Variants in NLRP11 observed in about 807,000 individuals in gnomAD.
The protein encoded by NLRP11 is NACHT, LRR and PYD domains-containing protein 11.
Under a neutral mutation model 79.3 loss-of-function variants are expected in NLRP11, and 53 were observed. The ratio of observed to expected loss-of-function variants is 0.67; its 90% CI spans 0.54 to 0.84. The LOEUF is 0.84. Among genes scored for constraint, NLRP11 ranks in the 40% least tolerant of loss-of-function variants. The probability of loss-of-function intolerance (pLI) is 0.00; values close to 1 mark genes in which losing one functional copy is unlikely to be tolerated. For synonymous variants in NLRP11, 518 were observed against 462.6 expected, an observed-to-expected ratio of 1.12 and a Z score of -1.54; for missense variants, 1,264 against 1,255.0, an observed-to-expected ratio of 1.01 and a Z score of -0.11.
chr19:55,794,011 AC>A (rs1294064217), intron 6 of NLRP11, among the ~76,000 whole-genome samples: 2 of 152,180 alleles, frequency 1.3e-5, no homozygotes, highest in African/African-American at 4.8e-5. Context: ...GATTTCTTTC[AC>A]GTTCTTAGGC....
chr19:55,813,447 T>C lies in NLRP11; in HGVS notation c.272-3109A>G, dbSNP rs185821055. Among the ~76,000 whole-genome samples the C allele has an allele frequency of 2.6e-4, 39 of 152,352 alleles. No homozygotes were observed. In the East Asian group the frequency reaches 7.3e-3, roughly 29 times the overall value. On this transcript the variant is annotated intron_variant, in intron 2 of 9. Coordinates refer to ENST00000589093, the Ensembl canonical transcript of NLRP11. ...GCCCATCAGGCATCTACCAATTTCC[T>C]GTCCCAAATTCCAAAGCTCCATTTG...
In NLRP11 at chr19:55,809,184, T is replaced by C. The variant is rs981428556; in HGVS notation, c.1426A>G (p.Arg476Gly). 1.2e-6 allele frequency: 2 copies of C among 1,613,692 alleles called. No homozygotes were observed. Among genetic ancestry groups the C allele is most frequent in the African/African-American group, 1.3e-5 (1 of 74,944 alleles). ...TGTTCTCTCTTCTCTTTATACTCTC[T>C]GCTGCCTGAGGGGATCAGATAGTTG... The change falls in exon 3 of 10, where the codon AGA becomes GGA. Residue 476 changes from arginine (R) to glycine (G), a missense_variant. Physicochemically the swap from Arg to Gly is moderately radical, Grantham distance 125 (BLOSUM62 -2). Transcript: ENST00000589093. This position sits in a 1 kb window ranked among gnomAD's most constrained non-coding sequence, Gnocchi z 4.5.
chr19:55,814,505 T>C (rs1239792129), intron 2 of NLRP11, among the ~76,000 whole-genome samples: 1 of 151,990 alleles, frequency 6.6e-6, no homozygotes, highest in African/African-American at 2.4e-5. Context: ...GGACAAGCTA[T>C]ACATTTTGGA....
At position 55,802,691 on chromosome 19, in the gene NLRP11, C is replaced by T. The variant is rs111544739; in HGVS notation, c.2004-952G>A. Reference sequence around the variant, plus strand: ...AAGTTCATATAGAACAAAAAAAGAGCCCCAATACCCAAGACAATCAATCCT... The same window carrying T: ...AAGTTCATATAGAACAAAAAAAGAGTCCCAATACCCAAGACAATCAATCCT... On this transcript the variant is annotated intron_variant, in intron 4 of 9. Transcript: ENST00000589093. Among the ~76,000 whole-genome samples the T allele has an allele frequency of 4.3e-3, 652 of 152,216 alleles. 2 individuals are homozygous for T. The highest frequency in any genetic ancestry group is 4.5e-3 in the Non-Finnish European group (307 of 68,014).
intron 7 of NLRP11, among the ~76,000 whole-genome samples, chr19:55,791,191 C>G (rs73933379): frequency 0.024 from 3,617 of 152,182 alleles, 43 homozygotes; most frequent in Middle Eastern, 0.071. Context: ...TATTTACTGT[C>G]TAGCCTGTTA....
chr19:55,801,704 T>C (rs1979498901), exon 5 of NLRP11: 2 of 1,613,980 alleles, frequency 1.2e-6, no homozygotes, highest in African/African-American at 2.7e-5. Flanking sequence ...CTTGAGTAAG[T>C]CTTCAAAACC....
At chr19:55,834,516 G>A (rs563681792), upstream of NLRP11, among the ~76,000 whole-genome samples, 3 of 152,258 alleles carry the variant, frequency 2.0e-5, no homozygotes, top group African/African-American at 7.2e-5. Context: ...TGCAGCTATG[G>A]GGATATTCAA....
intron 1 of NLRP11, among the ~76,000 whole-genome samples, chr19:55,829,953 A>G (rs1982590033): frequency 6.6e-6 from 1 of 152,180 alleles, no homozygotes; most frequent in African/African-American, 2.4e-5. Flanking sequence ...TATTGATTGC[A>G]TTCATGACAT....
intron 6 of NLRP11, among the ~76,000 whole-genome samples, chr19:55,793,917 T>A (rs1250107909): frequency 1.3e-5 from 2 of 152,210 alleles, no homozygotes; most frequent in Non-Finnish European, 2.9e-5. Context: ...CACTATCAAC[T>A]CATTTGCATA....
upstream of NLRP11, among the ~76,000 whole-genome samples, chr19:55,835,100 T>C (rs529381851): frequency 1.1e-3 from 160 of 152,280 alleles, no homozygotes; most frequent in African/African-American, 3.7e-3. Flanking sequence ...GTGTTATGGT[T>C]ACAGTAATTC....
intron 5 of NLRP11, among the ~76,000 whole-genome samples, chr19:55,797,368 G>A (rs1049363370): frequency 6.6e-6 from 1 of 152,178 alleles, no homozygotes; most frequent in African/African-American, 2.4e-5. Context: ...ATGGTTTGCT[G>A]TCTCACTTTC....
intron 5 of NLRP11, chr19:55,798,381 C>A (rs1979147845): frequency 1.1e-5 from 11 of 973,952 alleles, no homozygotes; most frequent in Non-Finnish European, 1.3e-5. Context: ...ACTTAGATTG[C>A]CATTATCCTT....
intron 2 of NLRP11, 98 bp downstream of exon 2, chr19:55,817,806 C>T (rs536372435): frequency 2.0e-6 from 2 of 977,104 alleles, no homozygotes; most frequent in African/African-American, 3.7e-5. Flanking sequence ...ACCTGCTTCC[C>T]AGAAACCTAT....
chr19:55,795,477 T>G (rs1978742352), intron 6 of NLRP11, among the ~76,000 whole-genome samples: 1 of 152,010 alleles, frequency 6.6e-6, no homozygotes, highest in African/African-American at 2.4e-5. Context: ...TAGAATGTTG[T>G]GACCACCATT....
chr19:55,817,749 A>G (rs1290288638), intron 2 of NLRP11, among the ~76,000 whole-genome samples, 155 bp downstream of exon 2: 2 of 150,798 alleles, frequency 1.3e-5, no homozygotes, highest in African/African-American at 2.4e-5. Context: ...GGGATGCCAA[A>G]GTTTTAGAAA....
intron 2 of NLRP11, among the ~76,000 whole-genome samples, chr19:55,817,022 A>T (rs1372085287): frequency 3.3e-5 from 5 of 152,198 alleles, no homozygotes; most frequent in Non-Finnish European, 1.5e-5. Flanking sequence ...GATGCTTCTC[A>T]AAAGAAGATA....
chr19:55,820,254 C>T (rs898633223), intron 1 of NLRP11, among the ~76,000 whole-genome samples: 22 of 152,116 alleles, frequency 1.4e-4, no homozygotes, highest in Non-Finnish European at 2.9e-5. Context: ...TTTCAGAAGG[C>T]ACGCATGCAC....
intron 1 of NLRP11, among the ~76,000 whole-genome samples, chr19:55,823,709 G>C (rs1982040075): frequency 6.6e-6 from 1 of 150,602 alleles, no homozygotes; most frequent in Non-Finnish European, 1.5e-5. Flanking sequence ...GGGAAGTTTA[G>C]AGAAAAACAA....
At position 55,807,978 on chromosome 19, in the gene NLRP11, G is replaced by A; in HGVS notation, c.1878C>T (p.Cys626=). The A allele has an allele frequency of 2.5e-6, 4 of 1,612,828 alleles. No homozygotes were observed. In the Middle Eastern group the frequency reaches 5.0e-4, roughly 200 times the overall value. ...GGCTCTCCATTGTATAAAAAAGAGA[G>A]CAGATCTCTCTCCAGTAGACAAGGC... is the stretch of plus-strand genomic sequence containing the variant. The change falls in exon 4 of 10, where the codon TGC becomes TGT. Residue 626 remains cysteine, a synonymous_variant. Coordinates refer to ENST00000589093, the Ensembl canonical transcript of NLRP11.
Sources: allele counts gnomAD v4.1 joint callset (sites outside exome capture counted in the v4.1 genomes callset), GRCh38; gene constraint gnomAD v4.1.1; non-coding constraint Gnocchi (gnomAD v3.1); transcripts MANE v1.5; gene names NCBI Gene and HGNC (gene_info 2026-07-23, HGNC 2026-07-21).